CNTNAP5: variants seen among roughly 807,000 people sequenced by gnomAD.
CNTNAP5 encodes contactin-associated protein-like 5.
Under a neutral mutation model 150.2 loss-of-function variants are expected in CNTNAP5, and 72 were observed. The ratio of observed to expected loss-of-function variants is 0.48; its 90% confidence interval spans 0.40 to 0.58. The LOEUF is 0.58. Among genes scored for constraint, CNTNAP5 ranks in the 20% least tolerant of loss-of-function variants. CNTNAP5 has a pLI of 0.00. For synonymous variants in CNTNAP5, 672 were observed against 619.8 expected (o/e 1.08, Z -1.25); for missense variants, 1,636 against 1,626.2 (o/e 1.01, Z -0.10).
At chr2:124,317,788 GAC>G (rs1412013022) in intron 3 of CNTNAP5, among the ~76,000 whole-genome samples, 1 of 152,102 alleles carries the variant, frequency 6.6e-6, no homozygotes, top group Non-Finnish European at 1.5e-5. Flanking sequence ...TTCACAAACA[GAC>G]ACACACCATA....
At chr2:124,479,176 C>T (rs1419019780) in intron 7 of CNTNAP5, among the ~76,000 whole-genome samples, 1 of 152,152 alleles carries the variant, frequency 6.6e-6, no homozygotes, top group African/African-American at 2.4e-5. Flanking sequence ...ATATAATAAA[C>T]AATCAGAAAG....
intron 13 of CNTNAP5, among the ~76,000 whole-genome samples, chr2:124,728,567 G>A (rs1054055826): frequency 1.3e-5 from 2 of 151,884 alleles, no homozygotes; most frequent in Non-Finnish European, 2.9e-5. Flanking sequence ...TTCAATGAAT[G>A]TAAAATATCT....
At chr2:124,531,970 A>G (rs897718298) in intron 10 of CNTNAP5, among the ~76,000 whole-genome samples, 1 of 152,332 alleles carries the variant, frequency 6.6e-6, no homozygotes, top group Middle Eastern at 3.4e-3. Context: ...TGGGAGGACA[A>G]GGAGTGAACT....
intron 3 of CNTNAP5, among the ~76,000 whole-genome samples, chr2:124,413,411 G>T (rs1436857973): frequency 7.0e-6 from 1 of 142,844 alleles, no homozygotes; most frequent in East Asian, 2.0e-4. Flanking sequence ...AAATCATGCT[G>T]CTATAAAGAC....
At chr2:124,507,533 A>C (rs1282556118) in intron 8 of CNTNAP5, among the ~76,000 whole-genome samples, 2 of 152,186 alleles carry the variant, frequency 1.3e-5, no homozygotes, top group African/African-American at 4.8e-5. Flanking sequence ...CAGGTAATTG[A>C]GGGGAGAGAA....
chr2:124,123,022 C>G (rs1683603504), intron 1 of CNTNAP5, among the ~76,000 whole-genome samples: 1 of 152,028 alleles, frequency 6.6e-6, no homozygotes, highest in Non-Finnish European at 1.5e-5. Flanking sequence ...CGGGTGATTT[C>G]TGCATTTCCA....
intron 19 of CNTNAP5, among the ~76,000 whole-genome samples, chr2:124,825,352 G>C (rs1682570510): frequency 6.6e-6 from 1 of 152,140 alleles, no homozygotes; most frequent in African/African-American, 2.4e-5. Context: ...CCAGGGATAA[G>C]TGTGATAACA....
chr2:124,682,100 G>C (rs768125944), intron 13 of CNTNAP5, among the ~76,000 whole-genome samples: 2 of 152,160 alleles, frequency 1.3e-5, no homozygotes, highest in Non-Finnish European at 2.9e-5. Context: ...TCAGTCATAG[G>C]TGAGTGATTG....
chr2:124,382,278 C>T, intron 3 of CNTNAP5, among the ~76,000 whole-genome samples: 1 of 152,010 alleles, frequency 6.6e-6, no homozygotes, highest in Non-Finnish European at 1.5e-5. Context: ...AGAGAGGTGG[C>T]TTTGTGGATG....
intron 1 of CNTNAP5, among the ~76,000 whole-genome samples, chr2:124,121,137 T>TACACACACAC (rs3981152): frequency 4.0e-5 from 6 of 148,752 alleles, no homozygotes; most frequent in South Asian, 2.2e-4. Flanking sequence ...CTTATTGCCA[T>TACACACACAC]ACACACACAC....
intron 3 of CNTNAP5, among the ~76,000 whole-genome samples, chr2:124,410,980 T>C (rs1011922776): frequency 1.3e-5 from 2 of 151,880 alleles, no homozygotes; most frequent in Admixed American, 6.6e-5. Context: ...GATAGACCGC[T>C]AGCAGGACTA....
intron 19 of CNTNAP5, among the ~76,000 whole-genome samples, chr2:124,805,388 T>G (rs1682060633): frequency 6.6e-6 from 1 of 152,054 alleles, no homozygotes; most frequent in African/African-American, 2.4e-5. Flanking sequence ...TAACAAAGAC[T>G]TCTGCTCACT....
intron 21 of CNTNAP5, among the ~76,000 whole-genome samples, chr2:124,879,982 T>A (rs1374000185): frequency 1.3e-5 from 2 of 152,024 alleles, no homozygotes. Context: ...AAGAAACAAG[T>A]GGAACAAGCA....
intron 1 of CNTNAP5, among the ~76,000 whole-genome samples, chr2:124,062,832 T>C (rs1220223532): frequency 6.6e-6 from 1 of 152,036 alleles, no homozygotes; most frequent in Non-Finnish European, 1.5e-5. Flanking sequence ...TTTGTTTGTT[T>C]AACAGGAAAG....
intron 1 of CNTNAP5, among the ~76,000 whole-genome samples, chr2:124,187,172 A>G (rs1342783438): frequency 6.6e-6 from 1 of 152,210 alleles, no homozygotes; most frequent in Non-Finnish European, 1.5e-5. Flanking sequence ...GGAAAAAAAG[A>G]AAAGGTAGCA....
At chr2:124,694,607 A>T (rs1027831467) in intron 13 of CNTNAP5, among the ~76,000 whole-genome samples, 4 of 152,202 alleles carry the variant, frequency 2.6e-5, no homozygotes, top group Non-Finnish European at 4.4e-5. Context: ...GGTAATGTTT[A>T]ATAACAAGGT....
In CNTNAP5 at chr2:124,903,026, C is replaced by T. The variant is rs980773569; in HGVS notation, c.3581C>T (p.Thr1194Ile). 2 of 1,609,348 alleles carry T rather than the reference C, an allele frequency of 1.2e-6. No homozygotes were observed. Among genetic ancestry groups the T allele is most frequent in the Non-Finnish European group, 1.7e-6 (2 of 1,177,802 alleles). ...GTCGCGCCTGTGACTGTCCATGGGA[C>T]CTTGACGGAATCCAGCTGTGGCTTC... ...ATVAPVTVHGTLTESSCGFMV... is the reference protein window; with the variant it reads ...ATVAPVTVHGILTESSCGFMV... The change falls in exon 22 of 24, where the codon ACC becomes ATC. Residue 1194 changes from threonine to isoleucine, a missense_variant. Coordinates refer to ENST00000682447, the MANE Select transcript of CNTNAP5 (RefSeq NM_001367498.1).
At chr2:124,803,157 T>TA (rs1682008315) in intron 19 of CNTNAP5, among the ~76,000 whole-genome samples, 1 of 151,348 alleles carries the variant, frequency 6.6e-6, no homozygotes, top group South Asian at 2.1e-4. Flanking sequence ...GAAACATAGT[T>TA]AAAAAAACGA....
chr2:124,308,745 A>T (rs1688751109), intron 3 of CNTNAP5, among the ~76,000 whole-genome samples: 1 of 152,244 alleles, frequency 6.6e-6, no homozygotes, highest in Admixed American at 6.5e-5. Context: ...TAAATATAAA[A>T]GCACTAACTG....
Sources: allele counts gnomAD v4.1 joint callset (sites outside exome capture counted in the v4.1 genomes callset), GRCh38; gene constraint gnomAD v4.1.1; transcripts MANE v1.5; gene names NCBI Gene and HGNC (gene_info 2026-07-23, HGNC 2026-07-21).